ACYP2: variants seen among roughly 807,000 people sequenced by gnomAD.
ACYP2 encodes the protein acylphosphatase-2.
A neutral mutation model predicts 11.2 loss-of-function variants in ACYP2; 12 were observed. The ratio of observed to expected loss-of-function variants is 1.08; its 90% CI spans 0.69 to 1.74. The LOEUF (loss-of-function observed/expected upper bound fraction) is 1.74. Ranked by LOEUF, ACYP2 falls within the 40% of genes most tolerant of loss-of-function variation. ACYP2 has a pLI of 0.00. For missense variants in ACYP2, 134 were observed against 101.9 expected, an observed-to-expected ratio of 1.31 and a Z score of -1.35; for synonymous variants, 43 against 32.2, an observed-to-expected ratio of 1.33 and a Z score of -1.13.
At chr2:54,252,546 T>C (rs1212229442) in intron 6 of ACYP2, among the ~76,000 whole-genome samples, 2 of 152,208 alleles carry the variant, frequency 1.3e-5, no homozygotes, top group Non-Finnish European at 2.9e-5. Flanking sequence ...ACCTTTGTTA[T>C]TTTCCATCAT....
chr2:54,003,025 G>T (rs1672874692), intron 2 of ACYP2, among the ~76,000 whole-genome samples: 1 of 151,848 alleles, frequency 6.6e-6, no homozygotes, highest in African/African-American at 2.4e-5. Flanking sequence ...TAGGCTCAAT[G>T]CAACCTCCAC....
At chr2:54,022,750 C>A (rs749034133) in intron 2 of ACYP2, among the ~76,000 whole-genome samples, 1 of 152,200 alleles carries the variant, frequency 6.6e-6, no homozygotes, top group Non-Finnish European at 1.5e-5. Flanking sequence ...TGACCATTCA[C>A]TGAAGCAGGT....
intron 4 of ACYP2, among the ~76,000 whole-genome samples, chr2:54,122,801 G>A (rs1558545730): frequency 6.6e-6 from 1 of 152,158 alleles, no homozygotes; most frequent in Admixed American, 6.5e-5. Context: ...GAGACTCCTT[G>A]GCTCACCTTC....
At chr2:54,052,424 T>C (rs1317745999) in intron 3 of ACYP2, among the ~76,000 whole-genome samples, 3 of 152,094 alleles carry the variant, frequency 2.0e-5, no homozygotes. Context: ...TAAATTGGCA[T>C]GGAAATTTAA....
At chr2:54,017,632 A>G (rs1448897344) in intron 2 of ACYP2, among the ~76,000 whole-genome samples, 2 of 152,184 alleles carry the variant, frequency 1.3e-5, no homozygotes, top group Non-Finnish European at 1.5e-5. Flanking sequence ...TATTTCTGAT[A>G]CTATTGCATT....
chr2:54,287,999 C>T (rs1689150046), intron 6 of ACYP2, among the ~76,000 whole-genome samples: 1 of 151,920 alleles, frequency 6.6e-6, no homozygotes, highest in Non-Finnish European at 1.5e-5. Flanking sequence ...TTCAGTCATT[C>T]CCTTTGGGTT....
chr2:54,218,358 G>C (rs1414975474), intron 6 of ACYP2, among the ~76,000 whole-genome samples: 3 of 152,052 alleles, frequency 2.0e-5, no homozygotes, highest in Admixed American at 6.6e-5. Context: ...TTGTATACCT[G>C]TGCTTAGTAA....
chr2:54,279,821 C>G, intron 6 of ACYP2, among the ~76,000 whole-genome samples: 1 of 152,108 alleles, frequency 6.6e-6, no homozygotes, highest in East Asian at 1.9e-4. Context: ...TTTGCCTTTC[C>G]CACTAGAACA....
In ACYP2 at chr2:54,256,234, A is replaced by G. The variant is rs2104026848; in HGVS notation, c.405-48454A>G. 3 of 1,474,088 alleles carry G rather than the reference A, an allele frequency of 2.0e-6. No individual in the cohort carries two copies. In the East Asian group the frequency reaches 6.9e-5, roughly 34 times the overall value. The allele number at this position is 1,474,088 out of a possible 1,614,324, so 91.3% of individuals were successfully genotyped here. On this transcript the variant is annotated intron_variant, in intron 6 of 6. Transcript: ENST00000607452. ...ACGTTCCTCACACAAAATGGCGAGT[A>G]AACACCTCGCCCATTTGCGCCGCCC... is the stretch of plus-strand genomic sequence containing the variant.
chr2:54,279,785 C>A (rs541813467), intron 6 of ACYP2, among the ~76,000 whole-genome samples: 1 of 152,274 alleles, frequency 6.6e-6, no homozygotes, highest in African/African-American at 2.4e-5. Flanking sequence ...CTTCATCATT[C>A]CAAGTATTAT....
rs1210252306 is a variant in ACYP2 at position 54,136,940 on chromosome 2, C to T, written c.294+1471C>T. On this transcript the variant is annotated intron_variant, in intron 5 of 6. Transcript: ENST00000607452. The stretch of plus-strand genomic sequence containing the variant: ...GCAGTGAGCCGAGATGGCGCCACTG[C>T]ACTCCAGCCTGGACGACAAGAGTGA... Among the ~76,000 whole-genome samples the T allele has an allele frequency of 4.6e-5, 7 of 152,072 alleles. No individual in the cohort carries two copies. In the East Asian group the frequency reaches 1.3e-3, roughly 29 times the overall value.
At chr2:54,184,652 TAATTA>T (rs1336570026) in intron 6 of ACYP2, among the ~76,000 whole-genome samples, 1 of 152,062 alleles carries the variant, frequency 6.6e-6, no homozygotes, top group Non-Finnish European at 1.5e-5. Context: ...ATGATAAATA[TAATTA>T]AATAAACGAA....
intron 6 of ACYP2, among the ~76,000 whole-genome samples, chr2:54,162,288 C>T (rs376976023): frequency 3.3e-5 from 5 of 152,168 alleles, no homozygotes; most frequent in Admixed American, 6.5e-5. Context: ...TATAGTAATT[C>T]CTTCAGCTAT....
chr2:54,304,581 A>C (rs1689846086), intron 6 of ACYP2, 107 bp from the exon 4 acceptor site: 1 of 663,072 alleles, frequency 1.5e-6, no homozygotes, highest in African/African-American at 1.8e-5. Flanking sequence ...ATATGCAAAA[A>C]TTACTTAGTA....
At chr2:54,096,271 G>A (rs1236038872) in intron 4 of ACYP2, among the ~76,000 whole-genome samples, 1 of 143,398 alleles carries the variant, frequency 7.0e-6, no homozygotes, top group African/African-American at 2.6e-5. Flanking sequence ...CATCTCAGAC[G>A]ATGGGTGGCC....
intron 4 of ACYP2, among the ~76,000 whole-genome samples, chr2:54,084,418 C>G (rs538792250): frequency 6.6e-6 from 1 of 152,306 alleles, no homozygotes; most frequent in South Asian, 2.1e-4. Flanking sequence ...CCTCAGCTTC[C>G]TGAGTAACTG....
In ACYP2 at chr2:54,158,242, A is replaced by G. The variant is rs75828657; in HGVS notation, c.404+19494A>G. Among the ~76,000 whole-genome samples, 72 of 148,410 alleles carry G rather than the reference A, an allele frequency of 4.9e-4. 1 individual carries two copies. The East Asian group carries it at 0.012, about 25-fold the overall frequency. On this transcript the variant is annotated intron_variant, in intron 6 of 6. Transcript: ENST00000607452. ...TTTTTAGTAGAGACAAGGTTTCACCACATTGGCCAGCCTGGTCACGAATTC... is the reference window on the plus strand; with the variant it reads ...TTTTTAGTAGAGACAAGGTTTCACCGCATTGGCCAGCCTGGTCACGAATTC...
At chr2:54,180,135 A>G (rs997711709) in intron 6 of ACYP2, among the ~76,000 whole-genome samples, 1 of 152,208 alleles carries the variant, frequency 6.6e-6, no homozygotes, top group African/African-American at 2.4e-5. Context: ...GCAGATTTAG[A>G]GATGCATAGT....
intron 6 of ACYP2, among the ~76,000 whole-genome samples, chr2:54,250,617 G>A (rs1472475087): frequency 6.6e-6 from 1 of 152,140 alleles, no homozygotes; most frequent in African/African-American, 2.4e-5. Flanking sequence ...GATATAAAAA[G>A]CCTAATTAAA....
Sources: gnomAD v4.1 joint callset for allele counts (sites outside exome capture counted in the v4.1 genomes callset) on GRCh38, gnomAD v4.1.1 for gene constraint, MANE v1.5 for transcripts, NCBI Gene and HGNC (gene_info 2026-07-23, HGNC 2026-07-21) for gene names.